Variants in GRAMD1C observed in about 807,000 individuals in gnomAD.
GRAMD1C encodes the protein protein Aster-C.
In GRAMD1C, 89 loss-of-function variants were observed where a neutral mutation model predicts 97.8. That is an observed-to-expected ratio of 0.91 (90% CI 0.77 to 1.09). The LOEUF is 1.09. Ranked by LOEUF, GRAMD1C falls within the 50% of genes least tolerant of loss-of-function variation. The pLI is 0.00. For missense variants in GRAMD1C, 740 were observed against 766.4 expected (o/e 0.97, Z 0.41); for synonymous variants, 256 against 267.0 (o/e 0.96, Z 0.40).
chr3:113,923,118 T>A (rs1937118080), intron 10 of GRAMD1C, among the ~76,000 whole-genome samples: 1 of 152,188 alleles, frequency 6.6e-6, no homozygotes, highest in Non-Finnish European at 1.5e-5. Flanking sequence ...TTTTGTACAT[T>A]GATTTTTGTA....
intron 2 of GRAMD1C, among the ~76,000 whole-genome samples, chr3:113,863,790 C>T (rs752308726): frequency 6.6e-6 from 1 of 152,174 alleles, no homozygotes; most frequent in Non-Finnish European, 1.5e-5. Flanking sequence ...ATTGCACTCT[C>T]CTCAGTGTTC....
intron 6 of GRAMD1C, among the ~76,000 whole-genome samples, chr3:113,896,703 T>C (rs1309207917): frequency 6.6e-6 from 1 of 152,210 alleles, no homozygotes; most frequent in Non-Finnish European, 1.5e-5. Flanking sequence ...TCAGCATCAC[T>C]CTACTCTATC....
At chr3:113,931,831 C>A (rs1483370982) in intron 11 of GRAMD1C, among the ~76,000 whole-genome samples, 1 of 152,026 alleles carries the variant, frequency 6.6e-6, no homozygotes, top group Non-Finnish European at 1.5e-5. Flanking sequence ...GAGGCTGAGG[C>A]AGGAGGATCG....
chr3:113,905,483 G>C (rs1018254232), intron 8 of GRAMD1C, among the ~76,000 whole-genome samples: 2 of 152,074 alleles, frequency 1.3e-5, no homozygotes, highest in African/African-American at 2.4e-5. Flanking sequence ...ATTTAGAGCA[G>C]GGCTTTGGCT....
chr3:113,887,497 G>C (rs906505630), intron 6 of GRAMD1C, among the ~76,000 whole-genome samples: 1 of 151,822 alleles, frequency 6.6e-6, no homozygotes, highest in Non-Finnish European at 1.5e-5. Flanking sequence ...TCAGGAGATC[G>C]AGACCATCCT....
At chr3:113,919,778 T>A in intron 10 of GRAMD1C, 1 of 604,524 alleles carries the variant, frequency 1.7e-6, no homozygotes, top group African/African-American at 1.9e-5. Flanking sequence ...AAAGTATCAT[T>A]TAAAGCATGT....
intron 10 of GRAMD1C, among the ~76,000 whole-genome samples, chr3:113,916,662 C>T (rs1057153422): frequency 3.3e-5 from 5 of 152,100 alleles, no homozygotes; most frequent in African/African-American, 1.2e-4. Flanking sequence ...ATATCCTGAT[C>T]AGAGTGGTGG....
intron 6 of GRAMD1C, among the ~76,000 whole-genome samples, chr3:113,887,910 TAGAA>T (rs1437145813): frequency 1.3e-5 from 2 of 152,004 alleles, no homozygotes; most frequent in African/African-American, 2.4e-5. Context: ...GATAAGTACT[TAGAA>T]AGTCACAAAC....
intron 7 of GRAMD1C, among the ~76,000 whole-genome samples, chr3:113,902,148 T>G (rs1202339092): frequency 6.6e-6 from 1 of 152,240 alleles, no homozygotes; most frequent in Non-Finnish European, 1.5e-5. Flanking sequence ...TTAGAAATTC[T>G]ATAGCAAATC....
intron 9 of GRAMD1C, among the ~76,000 whole-genome samples, chr3:113,910,481 G>A (rs1231790814): frequency 6.6e-6 from 1 of 152,152 alleles, no homozygotes; most frequent in African/African-American, 2.4e-5. Context: ...TGACCCAAAG[G>A]CCTTCTGAAT....
At position 113,930,697 on chromosome 3, in the gene GRAMD1C, G is replaced by T. The variant is rs913132002; in HGVS notation, c.1091-17G>T. On this transcript the variant is annotated splice_polypyrimidine_tract_variant and intron_variant, in intron 10 of 17. Coordinates refer to ENST00000358160, the MANE Select transcript of GRAMD1C (RefSeq NM_017577.5). ...TAAGTTTCTAGAACTAACTCATTTT[G>T]TGTTTGTTGTTGTTAGATGTAGTAT... is the stretch of plus-strand genomic sequence containing the variant. 7.9e-7 allele frequency: 1 copy of T among 1,260,632 alleles called. No homozygotes were observed. The highest frequency in any genetic ancestry group is 2.3e-5 in the East Asian group (1 of 43,218). 78.1% of individuals were successfully genotyped at this position (1,260,632 alleles called of 1,614,324 possible).
intron 2 of GRAMD1C, among the ~76,000 whole-genome samples, chr3:113,854,219 T>C (rs1310593931): frequency 6.6e-6 from 1 of 152,072 alleles, no homozygotes; most frequent in African/African-American, 2.4e-5. Context: ...TTGAATATAC[T>C]ACCGAATCTT....
At chr3:113,862,124 T>G (rs1463400618) in intron 2 of GRAMD1C, among the ~76,000 whole-genome samples, 7 of 152,180 alleles carry the variant, frequency 4.6e-5, no homozygotes, top group Admixed American at 4.6e-4. Flanking sequence ...AAATTAGAAT[T>G]GCTAATGAAG....
In GRAMD1C at chr3:113,875,552, T is replaced by A; in HGVS notation, c.328T>A (p.Cys110Ser). 1 of 1,535,558 alleles carries A rather than the reference T, an allele frequency of 6.5e-7. No homozygotes were observed. The highest frequency in any genetic ancestry group is 9.0e-7 in the Non-Finnish European group (1 of 1,107,600). The change falls in exon 4 of 18, where the codon TGT (cysteine) becomes AGT (serine). Residue 110 changes from cysteine (C) to serine (S), a missense_variant. Transcript: ENST00000358160. ...GRLYLSENWL[C>S]FYSNIFRWET... Reference sequence around the variant, plus strand: ...ACTATACCTTTCAGAAAACTGGCTATGTTTCTATAGCAACATCTTCAGATG... The same window carrying A: ...ACTATACCTTTCAGAAAACTGGCTAAGTTTCTATAGCAACATCTTCAGATG...
chr3:113,928,371 TTACATTTAAAAA>T (rs1163406393), intron 10 of GRAMD1C, among the ~76,000 whole-genome samples: 3 of 152,330 alleles, frequency 2.0e-5, no homozygotes, highest in African/African-American at 7.2e-5. Flanking sequence ...TACCCAACTC[TTACATTTAAAAA>T]TATGTAAAGC....
At chr3:113,872,397 T>TC (rs1298533685) in intron 3 of GRAMD1C, among the ~76,000 whole-genome samples, 2 of 137,800 alleles carry the variant, frequency 1.5e-5, no homozygotes, top group African/African-American at 3.1e-5. Context: ...TTTTCTTTTT[T>TC]TTTTTTTTTT....
intron 1 of GRAMD1C, among the ~76,000 whole-genome samples, chr3:113,828,705 G>A (rs565110023): frequency 1.3e-5 from 2 of 151,966 alleles, no homozygotes; most frequent in East Asian, 3.9e-4. Context: ...TGCTCATGTC[G>A]CTTTCTTCTA....
intron 10 of GRAMD1C, among the ~76,000 whole-genome samples, chr3:113,926,783 G>C (rs1937242753): frequency 6.6e-6 from 1 of 152,170 alleles, no homozygotes; most frequent in Non-Finnish European, 1.5e-5. Context: ...GCTCAGCTCA[G>C]AACTCCTGGA....
intron 6 of GRAMD1C, among the ~76,000 whole-genome samples, 197 bp downstream of exon 6, chr3:113,883,029 A>G (rs1408374787): frequency 6.6e-6 from 1 of 152,224 alleles, no homozygotes; most frequent in Non-Finnish European, 1.5e-5. Context: ...CACCAAGAAA[A>G]TAAATAAAAA....
Sources: allele counts gnomAD v4.1 joint callset (sites outside exome capture counted in the v4.1 genomes callset), GRCh38; gene constraint gnomAD v4.1.1; transcripts MANE v1.5; gene names NCBI Gene and HGNC (gene_info 2026-07-23, HGNC 2026-07-21).